PCDH15: variants seen among roughly 807,000 people sequenced by gnomAD.
The protein encoded by PCDH15 is protocadherin related 15, also known as protocadherin-15.
Under a neutral mutation model 178.5 loss-of-function variants are expected in PCDH15, and 129 were observed. The ratio of observed to expected loss-of-function variants is 0.72; its 90% CI spans 0.63 to 0.84. The LOEUF is 0.84. Among genes scored for constraint, PCDH15 ranks in the 40% least tolerant of loss-of-function variants. The pLI is 0.00. For missense variants in PCDH15, 2,230 were observed against 2,099.9 expected (o/e 1.06, Z -1.21); for synonymous variants, 800 against 732.0 (o/e 1.09, Z -1.50).
chr10:54,601,407 A>T (rs1271178799), intron 2 of PCDH15, among the ~76,000 whole-genome samples: 1 of 152,012 alleles, frequency 6.6e-6, no homozygotes, highest in Non-Finnish European at 1.5e-5. Flanking sequence ...AAAAACAAAA[A>T]AATACTTGCA....
intron 1 of PCDH15, among the ~76,000 whole-genome samples, chr10:54,681,760 C>T (rs1479786226): frequency 6.6e-6 from 1 of 152,074 alleles, no homozygotes; most frequent in Non-Finnish European, 1.5e-5. Context: ...ACAATGAGTC[C>T]ATGAACTTGG....
intron 2 of PCDH15, among the ~76,000 whole-genome samples, chr10:54,561,915 C>T (rs888692734): frequency 6.7e-6 from 1 of 149,884 alleles, no homozygotes; most frequent in African/African-American, 2.5e-5. Context: ...ATCTCCTGAC[C>T]TCATTATCTG....
Position 55,220,289 on chromosome 10 carries a change from CA to C in PCDH15, c.-155-53639del, listed in dbSNP as rs1840833760. On this transcript the variant is annotated intron_variant, in intron 1 of 5. Coordinates refer to the PCDH15 transcript ENST00000458638. ...TGTTTCCATATTTTCTTCTTATTTT[CA>C]AAGTGTAAGTCTCGCTCTTTTTTTA... Among the ~76,000 whole-genome samples, 3 of 151,918 alleles carry C rather than the reference CA, an allele frequency of 2.0e-5. No homozygotes were observed. The South Asian group carries it at 6.2e-4, about 31-fold the overall frequency.
chr10:55,354,948 C>A (rs1455264365), intron 2 of PCDH15, among the ~76,000 whole-genome samples: 2 of 151,978 alleles, frequency 1.3e-5, no homozygotes, highest in Non-Finnish European at 2.9e-5. Context: ...CTGGGATATT[C>A]TCCCTCCCAA....
upstream of PCDH15, among the ~76,000 whole-genome samples, chr10:54,805,299 G>C (rs370290631): frequency 1.1e-3 from 163 of 152,024 alleles, no homozygotes; most frequent in African/African-American, 3.6e-3. Context: ...CTGAATGAAG[G>C]CCTCTGCAGT....
intron 10 of PCDH15, among the ~76,000 whole-genome samples, chr10:54,208,627 C>T (rs114416835): frequency 7.8e-4 from 118 of 152,114 alleles, no homozygotes; most frequent in African/African-American, 2.8e-3. Context: ...GAAATTCCAG[C>T]CTCCGGAAGA....
At chr10:55,444,577 T>C (rs1839273702) in intron 2 of PCDH15, among the ~76,000 whole-genome samples, 1 of 152,068 alleles carries the variant, frequency 6.6e-6, no homozygotes, top group Non-Finnish European at 1.5e-5. Flanking sequence ...AATGAAATAA[T>C]AGAGATATAA....
intron 21 of PCDH15, among the ~76,000 whole-genome samples, chr10:53,987,887 T>C (rs2091215494): frequency 6.6e-6 from 1 of 152,204 alleles, no homozygotes; most frequent in Admixed American, 6.5e-5. Flanking sequence ...TTTCTCTGGC[T>C]CTTTCCACTA....
intron 2 of PCDH15, among the ~76,000 whole-genome samples, chr10:55,542,057 T>C (rs1357354548): frequency 4.0e-5 from 6 of 151,670 alleles, no homozygotes; most frequent in Non-Finnish European, 5.9e-5. Context: ...TCTAACAGGA[T>C]TGACATACCA....
intron 3 of PCDH15, chr10:54,452,582 G>T (rs2076547035): frequency 6.6e-6 from 1 of 152,048 alleles, no homozygotes; most frequent in East Asian, 1.9e-4. Context: ...TAGGACTAAA[G>T]TTGGTAAGCC....
chr10:54,753,909 T>G (rs1204896443), intron 1 of PCDH15, among the ~76,000 whole-genome samples: 3 of 150,150 alleles, frequency 2.0e-5, no homozygotes, highest in Non-Finnish European at 3.0e-5. Flanking sequence ...TTTTTTTTTT[T>G]TTGAGACTGA....
intron 20 of PCDH15, among the ~76,000 whole-genome samples, chr10:53,999,675 A>G (rs1224093420): frequency 6.6e-6 from 1 of 152,106 alleles, no homozygotes; most frequent in African/African-American, 2.4e-5. Context: ...TCATAGGTTG[A>G]GTGCCTGCTC....
chr10:54,445,910 G>A (rs2076115242), intron 3 of PCDH15, among the ~76,000 whole-genome samples: 1 of 151,430 alleles, frequency 6.6e-6, no homozygotes, highest in Non-Finnish European at 1.5e-5. Context: ...TTCATTAGCA[G>A]GTTGCATTTC....
intron 1 of PCDH15, among the ~76,000 whole-genome samples, chr10:55,232,157 T>C (rs967237736): frequency 6.3e-4 from 96 of 152,040 alleles, no homozygotes; most frequent in African/African-American, 2.2e-3. Context: ...ATTTTAGATA[T>C]GTGAAGTTTA....
At chr10:54,099,513 A>AAATAT (rs1347306483) in intron 15 of PCDH15, among the ~76,000 whole-genome samples, 72 of 117,906 alleles carry the variant, frequency 6.1e-4, no homozygotes, top group East Asian at 1.8e-3. Context: ...AAAAAAAAAA[A>AAATAT]ATATATATAT....
At chr10:55,012,994 A>G (rs1179166912) in intron 2 of PCDH15, among the ~76,000 whole-genome samples, 4 of 152,176 alleles carry the variant, frequency 2.6e-5, no homozygotes, top group Admixed American at 6.5e-5. Flanking sequence ...GACATAATTT[A>G]TCTCCTTCTG....
intron 1 of PCDH15, among the ~76,000 whole-genome samples, chr10:54,732,412 C>A (rs889082790): frequency 3.3e-5 from 5 of 151,440 alleles, no homozygotes; most frequent in Non-Finnish European, 7.4e-5. Flanking sequence ...AATACTGTAA[C>A]AACTCTACAT....
intron 3 of PCDH15, among the ~76,000 whole-genome samples, chr10:54,847,296 A>T (rs528522708): frequency 6.6e-6 from 1 of 152,268 alleles, no homozygotes; most frequent in South Asian, 2.1e-4. Flanking sequence ...ATAAAAATAG[A>T]CTTGCAGTAT....
chr10:55,101,407 T>C (rs199775935), intron 2 of PCDH15, among the ~76,000 whole-genome samples: 32 of 64,250 alleles, frequency 5.0e-4, no homozygotes, highest in South Asian at 2.0e-3. Flanking sequence ...AAAAAAAAAC[T>C]TTTTTTTTTT....
Sources: gnomAD v4.1 joint callset for allele counts (sites outside exome capture counted in the v4.1 genomes callset) on GRCh38, gnomAD v4.1.1 for gene constraint, MANE v1.5 for transcripts, NCBI Gene and HGNC (gene_info 2026-07-23, HGNC 2026-07-21) for gene names.